Variants in DNAH9 observed in about 807,000 individuals in gnomAD.
The protein encoded by DNAH9 is dynein axonemal heavy chain 9.
A neutral mutation model predicts 471.6 loss-of-function variants in DNAH9; 345 were observed. That is an observed-to-expected ratio of 0.73 (90% CI 0.67 to 0.80). The LOEUF (loss-of-function observed/expected upper bound fraction) is 0.80. Ranked by LOEUF, DNAH9 falls within the 30% of genes least tolerant of loss-of-function variation. The pLI is 0.00. For synonymous variants in DNAH9, 2,093 were observed against 2,123.6 expected, an observed-to-expected ratio of 0.99 and a Z score of 0.40; for missense variants, 5,407 against 5,609.2, an observed-to-expected ratio of 0.96 and a Z score of 1.15.
Position 11,719,433 on chromosome 17 carries a change from C to A in DNAH9, c.5652C>A (p.Gly1884=). ...TGKTETTKDL[G]RALGILVYVF... ...AGACCGAGACCACCAAGGACCTGGG[C>A]CGCGCACTGGGCATCCTGGTCTATG... The change falls in exon 27 of 69, where the codon GGC becomes GGA. Residue 1884 remains glycine (G), a synonymous_variant. Transcript: ENST00000262442. The A allele has an allele frequency of 6.2e-7, 1 of 1,613,874 alleles. No homozygotes were observed. The highest frequency in any genetic ancestry group is 8.5e-7 in the Non-Finnish European group (1 of 1,179,970).
chr17:11,753,825 T>C (rs1436451922), intron 33 of DNAH9, among the ~76,000 whole-genome samples: 1 of 152,204 alleles, frequency 6.6e-6, no homozygotes, highest in Non-Finnish European at 1.5e-5. Flanking sequence ...TTTCCACTTT[T>C]ATTTTAGGTT....
At chr17:11,812,050 TATATAC>T (rs777009360) in intron 45 of DNAH9, among the ~76,000 whole-genome samples, 2,064 of 71,172 alleles carry the variant, frequency 0.029, 267 homozygotes, top group African/African-American at 0.045. Flanking sequence ...TATATATATA[TATATAC>T]ACATACATAC....
intron 38 of DNAH9, among the ~76,000 whole-genome samples, chr17:11,772,703 C>G (rs1056905748): frequency 6.6e-6 from 1 of 152,182 alleles, no homozygotes; most frequent in Non-Finnish European, 1.5e-5. Context: ...CTTGTTAATT[C>G]CCTAATGGCC....
At chr17:11,860,967 A>G (rs1317788323) in intron 50 of DNAH9, among the ~76,000 whole-genome samples, 1 of 150,958 alleles carries the variant, frequency 6.6e-6, no homozygotes, top group Admixed American at 6.6e-5. Context: ...GAAGTCTTCT[A>G]ATCTTTTCCT....
At chr17:11,924,344 G>A (rs1223476998) in intron 62 of DNAH9, among the ~76,000 whole-genome samples, 1 of 152,044 alleles carries the variant, frequency 6.6e-6, no homozygotes, top group Admixed American at 6.6e-5. Context: ...TGTGTCATAT[G>A]CTCTTCGTCA....
intron 35 of DNAH9, among the ~76,000 whole-genome samples, chr17:11,761,856 G>T (rs1967682893): frequency 6.6e-6 from 1 of 152,080 alleles, no homozygotes; most frequent in Non-Finnish European, 1.5e-5. Flanking sequence ...TAATTTCCAG[G>T]CCTTCCAGCC....
intron 4 of DNAH9, among the ~76,000 whole-genome samples, chr17:11,615,935 A>G (rs2072732649): frequency 6.6e-6 from 1 of 152,152 alleles, no homozygotes; most frequent in South Asian, 2.1e-4. Context: ...CAGCCCCTCC[A>G]CTTGAGAATC....
At chr17:11,668,232 C>A (rs2073907819) in intron 15 of DNAH9, among the ~76,000 whole-genome samples, 1 of 152,176 alleles carries the variant, frequency 6.6e-6, no homozygotes, top group Non-Finnish European at 1.5e-5. Context: ...GCAGAATAGG[C>A]AGAATTGTAA....
At chr17:11,667,690 G>T (rs1047888983) in intron 15 of DNAH9, among the ~76,000 whole-genome samples, 5 of 152,190 alleles carry the variant, frequency 3.3e-5, no homozygotes, top group East Asian at 3.9e-4. Context: ...TCAGGGCCTT[G>T]TCCTCATTTC....
Position 11,679,757 on chromosome 17 carries a change from C to T in DNAH9, c.3354C>T (p.Ser1118=). Reference sequence around the variant, plus strand: ...CTCATGTTCTGTTTGTGTTGATTAGCTTGGCCAACCTGGATGCGTTTATAA... The same window carrying T: ...CTCATGTTCTGTTTGTGTTGATTAGTTTGGCCAACCTGGATGCGTTTATAA... ...KQHLVDHVTH[S]LANLDAFIKK... is the part of the protein sequence containing the mutation. Residue 1118 remains serine (S), a splice_region_variant and synonymous_variant, in exon 18 of 69, where the codon AGC becomes AGT. Transcript: ENST00000262442. 1 of 1,611,158 alleles carries T rather than the reference C, an allele frequency of 6.2e-7. No homozygotes were observed. Among genetic ancestry groups the T allele is most frequent in the African/African-American group, 1.3e-5 (1 of 74,964 alleles).
At chr17:11,841,145 C>T (rs11871869) in intron 49 of DNAH9, among the ~76,000 whole-genome samples, 80,642 of 152,084 alleles carry the variant, frequency 0.53, 22,083 homozygotes, top group African/African-American at 0.61. Context: ...AATGACTTTT[C>T]AAATTCTCAC....
At position 11,738,875 on chromosome 17, in the gene DNAH9, A is replaced by G. The variant is rs1228021599; in HGVS notation, c.5815-5A>G. 6.2e-7 allele frequency: 1 copy of G among 1,613,530 alleles called. No homozygotes were observed. The highest frequency in any genetic ancestry group is 2.2e-5 in the East Asian group (1 of 44,886). ...GAATTTCTCGCTGATTGATTGGTTC[A>G]CCAGGTAAAAAGCATTCAAGATGCG... On this transcript the variant is annotated splice_polypyrimidine_tract_variant and splice_region_variant and intron_variant, in intron 28 of 68. Coordinates refer to ENST00000262442, the MANE Select transcript of DNAH9 (RefSeq NM_001372.4).
rs2072811898 is a variant in DNAH9 at position 11,619,565 on chromosome 17, C to T, written c.1134C>T (p.Ser378=). The T allele has an allele frequency of 6.2e-7, 1 of 1,612,628 alleles. No homozygotes were observed. Among genetic ancestry groups the T allele is most frequent in the Non-Finnish European group, 8.5e-7 (1 of 1,178,650 alleles). The change falls in exon 6 of 69, where the codon AGC becomes AGT. Residue 378 remains serine (S), a synonymous_variant. Transcript: ENST00000262442. ...TATACCAGGCCTCTAATTATCTCAG[C>T]CCAGAAGACCTGCTGAGAAGTGAGG... The part of the protein sequence containing the change: ...LLIQQASNYL[S]PEDLLRSEVE...
At position 11,875,279 on chromosome 17, in the gene DNAH9, C is replaced by T. The variant is rs16945411; in HGVS notation, c.10478+95C>T. On this transcript the variant is annotated intron_variant, in intron 53 of 68. Transcript: ENST00000262442. The stretch of plus-strand genomic sequence containing the variant: ...TTTTAAGCCCAGTGAATGGTTTGTA[C>T]ACTCCTGGTCTCTCCATCAGGCTTC... 3.7e-3 allele frequency: 3,469 copies of T among 929,734 alleles called. 114 individuals carry two copies. The East Asian group carries it at 0.05, about 13-fold the overall frequency. 57.6% of individuals were successfully genotyped at this position (929,734 alleles called of 1,614,324 possible). A position where few individuals can be genotyped will look rare whatever the true frequency, so the allele number is the denominator to read the frequency against.
At chr17:11,654,809 A>T (rs148934828) in intron 14 of DNAH9, among the ~76,000 whole-genome samples, 2 of 152,254 alleles carry the variant, frequency 1.3e-5, no homozygotes, top group Non-Finnish European at 2.9e-5. Flanking sequence ...ATTGATAAGA[A>T]AACGAAGGCA....
chr17:11,739,871 A>T (rs568939283), intron 29 of DNAH9, among the ~76,000 whole-genome samples: 1 of 152,300 alleles, frequency 6.6e-6, no homozygotes, highest in African/African-American at 2.4e-5. Context: ...CCTAAGTGAG[A>T]TAGACTGTGG....
chr17:11,937,508 A>C lies in DNAH9; in HGVS notation c.12646A>C (p.Thr4216Pro). Residue 4216 changes from threonine to proline, a missense_variant, in exon 66 of 69, where the codon ACA (threonine) becomes CCA (proline). Thr to Pro is a conservative substitution (Grantham distance 38). This residue lies in a region of DNAH9 where 4,636 missense variants were observed against 4,900.3 expected (regional missense o/e 0.95). Transcript: ENST00000262442. This position sits in a 1 kb window ranked among gnomAD's most constrained non-coding sequence, Gnocchi z 4.1. ...CCAGGCCAGAGACGGAGCGGGCGCC[A>C]CAAGAGAAGAAAAGGTGTGTGTGGT... ...DSQARDGAGA[T>P]REEKVKALLE... 6.2e-7 allele frequency: 1 copy of C among 1,612,306 alleles called. No individual in the cohort carries two copies. The highest frequency in any genetic ancestry group is 8.5e-7 in the Non-Finnish European group (1 of 1,178,888).
chr17:11,712,459 A>G (rs1043342146), intron 26 of DNAH9, among the ~76,000 whole-genome samples: 1 of 151,946 alleles, frequency 6.6e-6, no homozygotes, highest in African/African-American at 2.4e-5. Flanking sequence ...GAAAATTGTT[A>G]TGGTACTTTT....
intron 22 of DNAH9, among the ~76,000 whole-genome samples, chr17:11,696,845 T>C (rs1348068665): frequency 1.3e-5 from 2 of 152,210 alleles, no homozygotes; most frequent in East Asian, 1.9e-4. Context: ...CTGCCAGATT[T>C]TTTTATATCT....
Sources: allele counts gnomAD v4.1 joint callset (sites outside exome capture counted in the v4.1 genomes callset), GRCh38; gene constraint gnomAD v4.1.1; regional missense constraint gnomAD v4.1.1; non-coding constraint Gnocchi (gnomAD v3.1); transcripts MANE v1.5; gene names NCBI Gene and HGNC (gene_info 2026-07-23, HGNC 2026-07-21).